The following WWOX variants were observed in gnomAD, a reference collection of about 807,000 sequenced individuals.
The protein encoded by WWOX is WW domain containing oxidoreductase, also known as WW domain-containing oxidoreductase.
WWOX carries 69 observed loss-of-function variants against 46.2 expected under a neutral mutation model. The observed-to-expected ratio is 1.49, with a 90% CI of 1.23 to 1.82. The LOEUF is 1.82. WWOX is among the 40% of genes most tolerant of loss of function. The probability of loss-of-function intolerance (pLI) is 0.00; values close to 1 mark genes in which losing one functional copy is unlikely to be tolerated. For synonymous variants in WWOX, 359 were observed against 202.6 expected, an observed-to-expected ratio of 1.77 and a Z score of -6.56; for missense variants, 919 against 542.6, an observed-to-expected ratio of 1.69 and a Z score of -6.89.
intron 8 of WWOX, among the ~76,000 whole-genome samples, chr16:78,982,157 AAAAT>A (rs962397754): frequency 6.6e-6 from 1 of 152,166 alleles, no homozygotes; most frequent in Non-Finnish European, 1.5e-5. Context: ...AAGAAGAAAA[AAAAT>A]AAAAAGAAAC....
chr16:78,841,281 A>G (rs1266397909), intron 8 of WWOX, among the ~76,000 whole-genome samples: 1 of 152,212 alleles, frequency 6.6e-6, no homozygotes, highest in Non-Finnish European at 1.5e-5. Flanking sequence ...AGCACTGCTC[A>G]TAATATTTGA....
intron 5 of WWOX, among the ~76,000 whole-genome samples, chr16:78,371,310 A>C (rs72796036): frequency 0.053 from 8,051 of 152,228 alleles, 283 homozygotes; most frequent in East Asian, 0.12. Context: ...TTTATTTTCA[A>C]TTTCTAGTTT....
At chr16:78,444,376 TGAAAG>T (rs1567577155) in intron 8 of WWOX, among the ~76,000 whole-genome samples, 5 of 152,096 alleles carry the variant, frequency 3.3e-5, no homozygotes, top group Admixed American at 2.0e-4. Context: ...CAGTTTAACT[TGAAAG>T]GAAATAAAAA....
intron 8 of WWOX, among the ~76,000 whole-genome samples, chr16:78,452,376 CAGATCTTTTAATTAGATATG>C (rs1313675422): frequency 6.6e-6 from 1 of 151,764 alleles, no homozygotes; most frequent in African/African-American, 2.4e-5. Context: ...GACCAGATGG[CAGATCTTTTAATTAGATATG>C]TTTGTGTGTG....
Position 79,052,832 on chromosome 16 carries a change from A to T in WWOX, c.1057-158776A>T, listed in dbSNP as rs138139609. ...TATTTCTTTATGGCACTGAGGAGCA[A>T]GCATTTCTAACAATCATATTGCTTA... On this transcript the variant is annotated intron_variant, in intron 8 of 8. Coordinates refer to ENST00000566780, the MANE Select transcript of WWOX (RefSeq NM_016373.4). Among the ~76,000 whole-genome samples the T allele has an allele frequency of 3.7e-4, 57 of 152,338 alleles. 1 individual carries two copies. The East Asian group carries it at 0.01, about 27-fold the overall frequency.
chr16:78,816,140 A>G (rs931472818), intron 8 of WWOX, among the ~76,000 whole-genome samples: 17 of 152,318 alleles, frequency 1.1e-4, no homozygotes, highest in South Asian at 1.0e-3. Context: ...AGAATCCAGT[A>G]TCTGTTGTTT....
At chr16:79,043,781 G>A (rs1184758340) in intron 8 of WWOX, among the ~76,000 whole-genome samples, 1 of 152,130 alleles carries the variant, frequency 6.6e-6, no homozygotes, top group Non-Finnish European at 1.5e-5. Context: ...TCTTTCTCTG[G>A]TCCTCAGTTT....
At chr16:78,494,724 T>A (rs2084867890) in intron 8 of WWOX, among the ~76,000 whole-genome samples, 1 of 152,184 alleles carries the variant, frequency 6.6e-6, no homozygotes, top group East Asian at 1.9e-4. Flanking sequence ...GGCTTGGTCA[T>A]CGGTCCTTGA....
chr16:78,986,461 GC>G (rs2151340094), intron 8 of WWOX, among the ~76,000 whole-genome samples: 1 of 152,302 alleles, frequency 6.6e-6, no homozygotes, highest in Non-Finnish European at 1.5e-5. Context: ...GTAGGTTGGG[GC>G]TGTGCTGATT....
At chr16:78,248,787 A>G (rs1368089603) in intron 5 of WWOX, among the ~76,000 whole-genome samples, 1 of 152,088 alleles carries the variant, frequency 6.6e-6, no homozygotes, top group African/African-American at 2.4e-5. Context: ...CACAGATTCA[A>G]ACCATATCAA....
intron 8 of WWOX, among the ~76,000 whole-genome samples, chr16:78,699,694 T>G (rs1172645754): frequency 6.6e-6 from 1 of 152,252 alleles, no homozygotes; most frequent in South Asian, 2.1e-4. Flanking sequence ...TGCCCGCTGA[T>G]ATCTACAGCC....
chr16:79,126,923 G>C (rs776542789), intron 8 of WWOX, among the ~76,000 whole-genome samples: 2 of 152,164 alleles, frequency 1.3e-5, no homozygotes, highest in Non-Finnish European at 2.9e-5. Context: ...AAAGGAGAGA[G>C]TGGGAAGTAA....
At chr16:79,033,847 A>G (rs138048559) in intron 8 of WWOX, among the ~76,000 whole-genome samples, 2 of 152,190 alleles carry the variant, frequency 1.3e-5, no homozygotes, top group African/African-American at 2.4e-5. Flanking sequence ...TGACTTATTT[A>G]TGATACTGGA....
chr16:78,362,701 G>T (rs1367591323), intron 5 of WWOX, among the ~76,000 whole-genome samples: 1 of 152,188 alleles, frequency 6.6e-6, no homozygotes, highest in African/African-American at 2.4e-5. Context: ...ACGGGGCTTG[G>T]AGGGTTTCCA....
chr16:78,604,007 G>A (rs553183182), intron 8 of WWOX, among the ~76,000 whole-genome samples: 1 of 152,232 alleles, frequency 6.6e-6, no homozygotes, highest in South Asian at 2.1e-4. Flanking sequence ...AGTTGGCCAT[G>A]GTGGCACACA....
intron 5 of WWOX, among the ~76,000 whole-genome samples, chr16:78,186,781 A>G (rs2035720603): frequency 6.6e-6 from 1 of 152,172 alleles, no homozygotes; most frequent in Non-Finnish European, 1.5e-5. Flanking sequence ...AAAATAAATA[A>G]AAAGCTTTGT....
intron 8 of WWOX, among the ~76,000 whole-genome samples, chr16:78,664,846 C>G (rs533235015): frequency 6.6e-6 from 1 of 152,150 alleles, no homozygotes; most frequent in Non-Finnish European, 1.5e-5. Flanking sequence ...GAGTCCAATT[C>G]TAAATGTGTG....
intron 8 of WWOX, among the ~76,000 whole-genome samples, chr16:79,190,185 T>C (rs1165835110): frequency 6.6e-6 from 1 of 152,040 alleles, no homozygotes; most frequent in Non-Finnish European, 1.5e-5. Flanking sequence ...ACACCACGCC[T>C]GGCTAACTTT....
chr16:78,623,927 G>T (rs2046249140), intron 8 of WWOX, among the ~76,000 whole-genome samples: 2 of 152,174 alleles, frequency 1.3e-5, no homozygotes, highest in South Asian at 4.1e-4. Context: ...TGACCAGAAT[G>T]TGGCAAAGTC....
Sources: allele counts gnomAD v4.1 joint callset (sites outside exome capture counted in the v4.1 genomes callset), GRCh38; gene constraint gnomAD v4.1.1; transcripts MANE v1.5; gene names NCBI Gene and HGNC (gene_info 2026-07-23, HGNC 2026-07-21).